TTC3: variants seen among roughly 807,000 people sequenced by gnomAD.
The protein encoded by TTC3 is tetratricopeptide repeat domain 3, also known as E3 ubiquitin-protein ligase TTC3.
Under a neutral mutation model 249.6 loss-of-function variants are expected in TTC3, and 180 were observed. The observed-to-expected ratio is 0.72, with a 90% confidence interval of 0.64 to 0.82. TTC3 has a LOEUF of 0.82. TTC3 is among the 40% of genes least tolerant of loss of function. The probability of loss-of-function intolerance (pLI) is 0.00; values close to 1 mark genes in which losing one functional copy is unlikely to be tolerated. For missense variants in TTC3, 2,061 were observed against 2,398.4 expected (o/e 0.86, Z 2.94); for synonymous variants, 717 against 805.0 (o/e 0.89, Z 1.85).
chr21:37,097,377 A>G (rs991779751), intron 10 of TTC3, among the ~76,000 whole-genome samples: 1 of 152,214 alleles, frequency 6.6e-6, no homozygotes, highest in Admixed American at 6.5e-5. Flanking sequence ...AGAAAGGTGT[A>G]GGGTGAATTC....
At chr21:37,122,436 A>G (rs1383872165) in intron 12 of TTC3, among the ~76,000 whole-genome samples, 1 of 23,810 alleles carries the variant, frequency 4.2e-5, no homozygotes, top group Admixed American at 4.8e-4. Context: ...ATATATATAT[A>G]TTATATATAT....
At chr21:37,099,679 A>G (rs1245254026) in intron 10 of TTC3, among the ~76,000 whole-genome samples, 7 of 152,216 alleles carry the variant, frequency 4.6e-5, no homozygotes, top group Non-Finnish European at 1.0e-4. Context: ...ATGTGGAACA[A>G]AGGAGACTCT....
At chr21:37,172,469 ATTTCCCTTGTAAATTTTCATC>A in intron 34 of TTC3, 105 bp from the exon 35 acceptor site, 1 of 1,082,136 alleles carries the variant, frequency 9.2e-7, no homozygotes, top group Non-Finnish European at 1.3e-6. Flanking sequence ...TGATTGTGAC[ATTTCCCTTGTAAATTTTCATC>A]TGCTTTTTAC....
chr21:37,086,497 T>A (rs2072493983), intron 1 of TTC3: 1 of 152,250 alleles, frequency 6.6e-6, no homozygotes, highest in Non-Finnish European at 1.5e-5. Context: ...TGCCCCCCAT[T>A]GAAATACGTA....
intron 1 of TTC3, among the ~76,000 whole-genome samples, chr21:37,075,817 T>G (rs931849130): frequency 2.0e-5 from 3 of 152,258 alleles, no homozygotes; most frequent in Non-Finnish European, 2.9e-5. Flanking sequence ...AGATAGAATT[T>G]CCATGATATG....
In TTC3 at chr21:37,160,836, AAAAG is replaced by A. The variant is rs1464546769; in HGVS notation, c.3077_3080del (p.Lys1026SerfsTer9). On this transcript the variant is annotated frameshift_variant, in exon 30 of 46. Coordinates refer to ENST00000355666, the Ensembl canonical transcript of TTC3. LOFTEE classifies it high-confidence loss of function. ...ACCAAGGTGAAAAACAAAAGCAAGA[AAAAG>A]AAGCCAAAGGATTCAAAGGTATGGA... The A allele has an allele frequency of 1.2e-6, 2 of 1,612,910 alleles. No homozygotes were observed. The highest frequency in any genetic ancestry group is 1.7e-6 in the Non-Finnish European group (2 of 1,179,532).
intron 26 of TTC3, 42 bp downstream of exon 26, chr21:37,152,071 A>G: frequency 6.7e-7 from 1 of 1,496,654 alleles, no homozygotes; most frequent in East Asian, 2.4e-5. Context: ...ATATACTCTC[A>G]TTTAAATGTA....
chr21:37,186,950 A>T (rs2083362207), intron 37 of TTC3, 99 bp from the exon 38 acceptor site: 2 of 635,042 alleles, frequency 3.1e-6, no homozygotes, highest in Non-Finnish European at 5.3e-6. Flanking sequence ...AGCTGAGGCT[A>T]TCGTGGTGTG....
Position 37,182,840 on chromosome 21 carries a change from G to GA in TTC3, c.4692dup (p.Glu1565ArgfsTer14), listed in dbSNP as rs778730652. 14 of 1,588,196 alleles carry GA rather than the reference G, an allele frequency of 8.8e-6. No individual in the cohort carries two copies. Among genetic ancestry groups the GA allele is most frequent in the Middle Eastern group, 4.1e-4 (2 of 4,824 alleles). ...AAGAGAAATTAAAAAATGGCAACAG[G>GA]AAAAAAAAGAAATCCAAGAAAGACT... is the stretch of plus-strand genomic sequence containing the variant. On this transcript the variant is annotated frameshift_variant, in exon 36 of 46. Coordinates refer to ENST00000355666, the Ensembl canonical transcript of TTC3. LOFTEE classifies it high-confidence loss of function.
intron 10 of TTC3, among the ~76,000 whole-genome samples, chr21:37,106,136 T>G (rs1460235111): frequency 6.6e-6 from 1 of 152,236 alleles, no homozygotes; most frequent in Non-Finnish European, 1.5e-5. Flanking sequence ...ACCGCTGTGA[T>G]TATAATTTGT....
chr21:37,199,340 C>T (rs906687809), intron 44 of TTC3, among the ~76,000 whole-genome samples: 8 of 152,244 alleles, frequency 5.3e-5, no homozygotes, highest in Non-Finnish European at 7.3e-5. Flanking sequence ...GCCTTCAAGG[C>T]GCTCAGAGTT....
At chr21:37,201,440 T>G in exon 46 of TTC3, 1 of 1,613,784 alleles carries the variant, frequency 6.2e-7, no homozygotes, top group South Asian at 1.1e-5. Flanking sequence ...TCCTTTTCAG[T>G]GCTTTAAGCA....
chr21:37,095,894 C>T (rs1265458441), intron 9 of TTC3, among the ~76,000 whole-genome samples: 1 of 152,180 alleles, frequency 6.6e-6, no homozygotes. Context: ...CTTCTCTTTG[C>T]TCAGCTGCTA....
chr21:37,110,038 AC>A (rs150051748), intron 11 of TTC3, among the ~76,000 whole-genome samples: 99,893 of 151,746 alleles, frequency 0.66, 33,111 homozygotes, highest in Admixed American at 0.69. Flanking sequence ...AAGGACATCC[AC>A]CACCAAAAAC....
At chr21:37,163,872 A>G (rs942604186) in intron 31 of TTC3, among the ~76,000 whole-genome samples, 179 bp from the exon 32 acceptor site, 1 of 152,210 alleles carries the variant, frequency 6.6e-6, no homozygotes, top group Non-Finnish European at 1.5e-5. Flanking sequence ...TTTCTCGCCT[A>G]TAACTGTGGA....
rs552496221 is a variant in TTC3, at chr21:37,130,946, A to T, written c.1359-1736A>T. Among the ~76,000 whole-genome samples the T allele has an allele frequency of 1.1e-3, 166 of 152,266 alleles. 1 individual carries two copies. Among genetic ancestry groups the T allele is most frequent in the African/African-American group, 3.6e-3 (150 of 41,556 alleles). On this transcript the variant is annotated intron_variant, in intron 16 of 45. Coordinates refer to ENST00000355666, the Ensembl canonical transcript of TTC3. ...TAGTGGGATTGCTGTATCAAAGGGG[A>T]TATGTAATTTTATCTTTGACAGATA...
chr21:37,133,815 G>A (rs1387666349), intron 17 of TTC3, among the ~76,000 whole-genome samples: 1 of 152,192 alleles, frequency 6.6e-6, no homozygotes, highest in Non-Finnish European at 1.5e-5. Flanking sequence ...AGGAGGCTGA[G>A]GTGAGAGGAT....
intron 34 of TTC3, among the ~76,000 whole-genome samples, chr21:37,172,364 G>T (rs909938795): frequency 2.0e-5 from 3 of 152,176 alleles, no homozygotes; most frequent in Non-Finnish European, 4.4e-5. Context: ...TTATAGTATA[G>T]ATTGGAGAAT....
At chr21:37,140,501 A>G in intron 19 of TTC3, 60 bp from the exon 20 acceptor site, 1 of 1,196,788 alleles carries the variant, frequency 8.4e-7, no homozygotes, top group African/African-American at 1.6e-5. Flanking sequence ...CCTTTAGATA[A>G]AATTTATTTC....
Sources: gnomAD v4.1 joint callset for allele counts (sites outside exome capture counted in the v4.1 genomes callset) on GRCh38, gnomAD v4.1.1 for gene constraint, MANE v1.5 for transcripts, NCBI Gene and HGNC (gene_info 2026-07-23, HGNC 2026-07-21) for gene names.